NIPA2: variants seen among roughly 807,000 people sequenced by gnomAD.
NIPA2 encodes NIPA magnesium transporter 2, also known as magnesium transporter NIPA2.
Under a neutral mutation model 29.7 loss-of-function variants are expected in NIPA2, and 11 were observed. The ratio of observed to expected loss-of-function variants is 0.37; its 90% CI spans 0.23 to 0.61. The LOEUF (loss-of-function observed/expected upper bound fraction) is 0.61. Ranked by LOEUF, NIPA2 falls within the 20% of genes least tolerant of loss-of-function variation. The probability of loss-of-function intolerance (pLI) is 0.66; values close to 1 mark genes in which losing one functional copy is unlikely to be tolerated. For missense variants in NIPA2, 426 were observed against 437.9 expected, an observed-to-expected ratio of 0.97 and a Z score of 0.24; for synonymous variants, 183 against 161.9, an observed-to-expected ratio of 1.13 and a Z score of -0.99.
intron 4 of NIPA2, among the ~76,000 whole-genome samples, chr15:22,852,416 C>T (rs927976648): frequency 4.0e-5 from 6 of 149,984 alleles, no homozygotes; most frequent in Non-Finnish European, 7.4e-5. Flanking sequence ...CTGCAGTGAG[C>T]CAAAATGGCA....
At chr15:22,858,189 C>G (rs1323527010) in intron 5 of NIPA2, among the ~76,000 whole-genome samples, 2 of 152,034 alleles carry the variant, frequency 1.3e-5, no homozygotes, top group Non-Finnish European at 2.9e-5. Flanking sequence ...GTCAGGAGAT[C>G]AAGACCATCC....
intron 5 of NIPA2, among the ~76,000 whole-genome samples, chr15:22,854,758 C>CA (rs987060558): frequency 3.3e-5 from 5 of 151,638 alleles, no homozygotes; most frequent in African/African-American, 7.3e-5. Context: ...AAAAACAAAA[C>CA]AAAAAAAATT....
chr15:22,847,439 A>C (rs1899069685), intron 3 of NIPA2, among the ~76,000 whole-genome samples: 1 of 152,146 alleles, frequency 6.6e-6, no homozygotes, highest in Non-Finnish European at 1.5e-5. Flanking sequence ...TGCTTCATGA[A>C]GACAAAGATT....
In NIPA2 at chr15:22,867,185, G is replaced by T; in HGVS notation, c.*338G>T. 1 of 434,342 alleles carries T rather than the reference G, an allele frequency of 2.3e-6. No homozygotes were observed. Among genetic ancestry groups the T allele is most frequent in the Admixed American group, 3.9e-5 (1 of 25,512 alleles). The allele number at this position is 434,342 out of a possible 1,614,324, so 26.9% of individuals were successfully genotyped here. A position where few individuals can be genotyped will look rare whatever the true frequency, so the allele number is the denominator to read the frequency against. ...CATTGGTGATGAAAGTCTGAAATGT[G>T]CATTTGTCATCCCCACTCCATCAAT... On this transcript the variant is annotated 3_prime_UTR_variant, in exon 8 of 8. Coordinates refer to ENST00000337451, the MANE Select transcript of NIPA2 (RefSeq NM_030922.7).
intron 7 of NIPA2, among the ~76,000 whole-genome samples, 168 bp from the exon 8 acceptor site, chr15:22,866,045 T>C (rs749235077): frequency 1.3e-5 from 2 of 151,998 alleles, no homozygotes; most frequent in Non-Finnish European, 2.9e-5. Flanking sequence ...TGTGTCCATC[T>C]AAGTAAATTT....
chr15:22,857,738 G>C (rs1259365103), intron 5 of NIPA2, among the ~76,000 whole-genome samples: 1 of 150,886 alleles, frequency 6.6e-6, no homozygotes, highest in Non-Finnish European at 1.5e-5. Flanking sequence ...TCGGGAGGCC[G>C]AGGCAGGAGA....
intron 7 of NIPA2, among the ~76,000 whole-genome samples, chr15:22,864,056 G>T (rs2058798599): frequency 6.6e-6 from 1 of 151,818 alleles, no homozygotes; most frequent in Non-Finnish European, 1.5e-5. Flanking sequence ...TTTTTTGAGG[G>T]ACAGTTGTTT....
At chr15:22,848,693 G>A (rs1357986910) in intron 3 of NIPA2, among the ~76,000 whole-genome samples, 1 of 151,766 alleles carries the variant, frequency 6.6e-6, no homozygotes, top group Non-Finnish European at 1.5e-5. Flanking sequence ...GGGCATGGCA[G>A]CATGTGCCTG....
At chr15:22,853,705 A>AG (rs1004867932) in intron 5 of NIPA2, among the ~76,000 whole-genome samples, 11 of 152,040 alleles carry the variant, frequency 7.2e-5, no homozygotes, top group African/African-American at 2.7e-4. Flanking sequence ...AGTACTTAGT[A>AG]GGTACTTATA....
At chr15:22,851,605 C>A in intron 3 of NIPA2, 34 bp from the exon 4 acceptor site, 1 of 694,064 alleles carries the variant, frequency 1.4e-6, no homozygotes, top group Non-Finnish European at 2.2e-6. Flanking sequence ...CATGAGCATT[C>A]TGTGAAAACC....
intron 7 of NIPA2, 50 bp from the exon 8 acceptor site, chr15:22,866,163 T>G: frequency 6.6e-7 from 1 of 1,504,558 alleles, no homozygotes; most frequent in Non-Finnish European, 9.1e-7. Context: ...ATTCTGTGTT[T>G]AAGAACAACC....
intron 2 of NIPA2, among the ~76,000 whole-genome samples, chr15:22,843,504 TAAA>T (rs201160111): frequency 4.3e-5 from 6 of 138,692 alleles, no homozygotes; most frequent in Admixed American, 1.4e-4. Context: ...AGACTCCATC[TAAA>T]AAAAAAAAAA....
At position 22,867,812 on chromosome 15, in the gene NIPA2, C is replaced by T. The variant is rs998898982; in HGVS notation, c.*965C>T. On this transcript the variant is annotated 3_prime_UTR_variant, in exon 8 of 8. Coordinates refer to ENST00000337451, the MANE Select transcript of NIPA2 (RefSeq NM_030922.7). ...GTACCAAGTACTTTGCTTAAGAGCT[C>T]CTTTGGGCCACTACATATTTTGGTT... 1 of 151,854 alleles carries T rather than the reference C, an allele frequency of 6.6e-6. No individual in the cohort carries two copies. The highest frequency in any genetic ancestry group is 2.4e-5 in the African/African-American group (1 of 41,338). 9.4% of individuals were successfully genotyped at this position (151,854 alleles called of 1,614,324 possible). A position where few individuals can be genotyped will look rare whatever the true frequency, so the allele number is the denominator to read the frequency against.
At chr15:22,846,886 T>A (rs1898873713) in intron 3 of NIPA2, among the ~76,000 whole-genome samples, 2 of 143,180 alleles carry the variant, frequency 1.4e-5, no homozygotes, top group Non-Finnish European at 3.0e-5. Flanking sequence ...GTCTGTTGTT[T>A]TTTGTTTTTG....
rs1407951977 is a variant in NIPA2 at position 22,851,740 on chromosome 15, G to C, written c.9G>C (p.Gln3His). MS[Q>H]GRGKYDFYIG... ...CTTAAGTAACAAACGAAATGAGCCA[G>C]GGGCGTGGAAAATATGACTTCTATA... Residue 3 changes from glutamine (Q) to histidine (H), a missense_variant, in exon 4 of 8, where the codon CAG (glutamine) becomes CAC (histidine). By Grantham distance (24) the Gln-to-His change is conservative. This residue lies in a region of NIPA2 where 57 missense variants were observed against 66.6 expected (regional missense o/e 0.86). Coordinates refer to ENST00000337451, the MANE Select transcript of NIPA2 (RefSeq NM_030922.7). The C allele has an allele frequency of 6.2e-7, 1 of 1,611,104 alleles. No homozygotes were observed. The highest frequency in any genetic ancestry group is 1.3e-5 in the African/African-American group (1 of 74,730).
intron 3 of NIPA2, among the ~76,000 whole-genome samples, chr15:22,850,929 CTG>C (rs1420322108): frequency 6.6e-6 from 1 of 152,318 alleles, no homozygotes; most frequent in South Asian, 2.1e-4. Context: ...GCTATCCACA[CTG>C]TGCTTTAGTT....
chr15:22,866,115 C>A, intron 7 of NIPA2, 98 bp from the exon 8 acceptor site: 1 of 983,380 alleles, frequency 1.0e-6, no homozygotes, highest in Non-Finnish European at 1.5e-6. Flanking sequence ...CCAGGCCATA[C>A]CTTTTCTCCC....
At position 22,866,808 on chromosome 15, in the gene NIPA2, A is replaced by C. The variant is rs768496197; in HGVS notation, c.1044A>C (p.Glu348Asp). 1.2e-6 allele frequency: 2 copies of C among 1,602,910 alleles called. No homozygotes were observed. Among genetic ancestry groups the C allele is most frequent in the Non-Finnish European group, 1.7e-6 (2 of 1,173,738 alleles). Residue 348 changes from glutamate to aspartate, a missense_variant, in exon 8 of 8, where the codon GAA becomes GAC. This residue lies in a region of NIPA2 where 357 missense variants were observed against 339.8 expected (regional missense o/e 1.05). Transcript: ENST00000337451. ...GTGGAATCGAACAACACACTGGTGA[A>C]AATGTCTCCCGAAGAAATGGAAATC... ...LTCGIEQHTG[E>D]NVSRRNGNLT...
chr15:22,851,801 A>C lies in NIPA2; in HGVS notation c.70A>C (p.Ile24Leu). 1 of 1,613,456 alleles carries C rather than the reference A, an allele frequency of 6.2e-7. No individual in the cohort carries two copies. The highest frequency in any genetic ancestry group is 8.5e-7 in the Non-Finnish European group (1 of 1,179,568). The change falls in exon 4 of 8, where the codon ATT (isoleucine) becomes CTT (leucine). Residue 24 changes from isoleucine to leucine, a missense_variant. Physicochemically the swap from Ile to Leu is conservative, Grantham distance 5. Coordinates refer to ENST00000337451, the MANE Select transcript of NIPA2 (RefSeq NM_030922.7). ...LGLAMSSSIFIGGSFILKKKG... is the reference protein window; with the variant it reads ...LGLAMSSSIFLGGSFILKKKG... ...ATTGGCTATGAGCTCCAGCATTTTC[A>C]TTGGAGGAAGTTTCATTTTGAAAAA... is the stretch of plus-strand genomic sequence containing the variant.
Sources: gnomAD v4.1 joint callset for allele counts (sites outside exome capture counted in the v4.1 genomes callset) on GRCh38, gnomAD v4.1.1 for gene constraint, gnomAD v4.1.1 regional missense constraint, MANE v1.5 for transcripts, NCBI Gene and HGNC (gene_info 2026-07-23, HGNC 2026-07-21) for gene names.